RASAL2: variants seen among roughly 807,000 people sequenced by gnomAD.
The protein encoded by RASAL2 is RAS protein activator like 2.
Under a neutral mutation model 128.9 loss-of-function variants are expected in RASAL2, and 58 were observed. The ratio of observed to expected loss-of-function variants is 0.45; its 90% confidence interval spans 0.36 to 0.56. The LOEUF (loss-of-function observed/expected upper bound fraction) is 0.56, where lower values mean the gene tolerates loss of function less well. Ranked by LOEUF, RASAL2 falls within the 20% of genes least tolerant of loss-of-function variation. The probability of loss-of-function intolerance (pLI) is 0.00; values close to 1 mark genes in which losing one functional copy is unlikely to be tolerated. For synonymous variants in RASAL2, 561 were observed against 580.8 expected, an observed-to-expected ratio of 0.97 and a Z score of 0.49; for missense variants, 1,360 against 1,601.6, an observed-to-expected ratio of 0.85 and a Z score of 2.57.
chr1:178,346,068 C>T (rs1312114791), intron 3 of RASAL2, among the ~76,000 whole-genome samples: 1 of 152,154 alleles, frequency 6.6e-6, no homozygotes, highest in African/African-American at 2.4e-5. Flanking sequence ...CTCTATTGTA[C>T]AGCTGAAATT....
intron 4 of RASAL2, among the ~76,000 whole-genome samples, chr1:178,405,669 T>A (rs750586450): frequency 1.3e-5 from 2 of 152,252 alleles, no homozygotes; most frequent in Non-Finnish European, 2.9e-5. Flanking sequence ...GCAGACCTGC[T>A]GACACTTTGA....
At chr1:178,143,708 AGTGGGG>A (rs1267688658) in intron 1 of RASAL2, among the ~76,000 whole-genome samples, 1 of 151,754 alleles carries the variant, frequency 6.6e-6, no homozygotes, top group African/African-American at 2.4e-5. Context: ...GGGATTGGGA[AGTGGGG>A]GTGGTTAAAG....
chr1:178,154,927 G>T (rs180769335), intron 1 of RASAL2, among the ~76,000 whole-genome samples: 1 of 152,084 alleles, frequency 6.6e-6, no homozygotes, highest in Non-Finnish European at 1.5e-5. Context: ...GGGTTCAGGC[G>T]ATTCTCCTGC....
intron 9 of RASAL2, among the ~76,000 whole-genome samples, chr1:178,446,288 T>C (rs558061084): frequency 1.3e-5 from 2 of 152,284 alleles, no homozygotes; most frequent in African/African-American, 4.8e-5. Context: ...TTGAAGGAAA[T>C]AGCCCTTTGT....
intron 1 of RASAL2, among the ~76,000 whole-genome samples, chr1:178,103,052 C>A (rs189229489): frequency 6.6e-6 from 1 of 152,072 alleles, no homozygotes; most frequent in African/African-American, 2.4e-5. Context: ...GGTCTGGAGC[C>A]GGTAAATTGC....
chr1:178,249,249 T>G (rs1664930061), intron 1 of RASAL2, among the ~76,000 whole-genome samples: 1 of 152,046 alleles, frequency 6.6e-6, no homozygotes, highest in African/African-American at 2.4e-5. Context: ...TTTTCATTCT[T>G]TTTTCTCTAA....
At chr1:178,386,917 G>A (rs748979593) in intron 3 of RASAL2, among the ~76,000 whole-genome samples, 2 of 152,162 alleles carry the variant, frequency 1.3e-5, no homozygotes, top group African/African-American at 2.4e-5. Context: ...GAGCATAGTA[G>A]CAGCTTTCCT....
intron 1 of RASAL2, among the ~76,000 whole-genome samples, chr1:178,198,815 A>G (rs12730381): frequency 0.15 from 23,308 of 152,178 alleles, 1,922 homozygotes; most frequent in African/African-American, 0.22. Flanking sequence ...CCCAGAGCTC[A>G]AACACTGTGC....
intron 4 of RASAL2, 116 bp downstream of exon 4, chr1:178,390,322 A>AG: frequency 1.4e-6 from 1 of 702,326 alleles, no homozygotes; most frequent in Non-Finnish European, 2.3e-6. Flanking sequence ...ATTTCTTTAT[A>AG]ATTCTGTGAT....
intron 3 of RASAL2, among the ~76,000 whole-genome samples, chr1:178,371,355 T>C (rs60435811): frequency 0.12 from 15,394 of 126,886 alleles, 1,036 homozygotes; most frequent in African/African-American, 0.21. Flanking sequence ...CACACACAAA[T>C]ACACACACAC....
At chr1:178,160,963 C>A (rs766436125) in intron 1 of RASAL2, among the ~76,000 whole-genome samples, 1 of 152,202 alleles carries the variant, frequency 6.6e-6, no homozygotes, top group South Asian at 2.1e-4. Context: ...TTTACAAACT[C>A]CATTTTCCAT....
chr1:178,383,793 A>G (rs1672406498), intron 3 of RASAL2, among the ~76,000 whole-genome samples: 1 of 152,202 alleles, frequency 6.6e-6, no homozygotes, highest in African/African-American at 2.4e-5. Context: ...TGCTTATTTC[A>G]TTCATTAATA....
At chr1:178,158,560 A>G (rs948455864) in intron 1 of RASAL2, among the ~76,000 whole-genome samples, 2 of 152,188 alleles carry the variant, frequency 1.3e-5, no homozygotes, top group Non-Finnish European at 2.9e-5. Flanking sequence ...GGAAAATATT[A>G]TTTTTGAGGA....
intron 1 of RASAL2, among the ~76,000 whole-genome samples, chr1:178,132,859 C>T (rs1571521611): frequency 6.6e-6 from 1 of 150,812 alleles, no homozygotes; most frequent in South Asian, 2.1e-4. Context: ...ACCTCTGCCT[C>T]CCGGGTTCAA....
At chr1:178,453,338 A>C (rs141020829) in intron 11 of RASAL2, among the ~76,000 whole-genome samples, 32 of 152,148 alleles carry the variant, frequency 2.1e-4, no homozygotes, top group Admixed American at 5.9e-4. Context: ...ATTCTGAAGA[A>C]ATGGACGCTA....
At chr1:178,227,151 CT>C (rs1663821098) in intron 1 of RASAL2, among the ~76,000 whole-genome samples, 1 of 151,998 alleles carries the variant, frequency 6.6e-6, no homozygotes, top group South Asian at 2.1e-4. Flanking sequence ...AAATCAAAAG[CT>C]GCAACCATTC....
intron 3 of RASAL2, among the ~76,000 whole-genome samples, chr1:178,382,093 C>T (rs1342593290): frequency 1.3e-5 from 2 of 152,160 alleles, no homozygotes; most frequent in African/African-American, 4.8e-5. Context: ...TCTCATACAA[C>T]TTATCTAAGT....
intron 4 of RASAL2, among the ~76,000 whole-genome samples, chr1:178,394,752 T>C (rs958619253): frequency 6.6e-6 from 1 of 152,208 alleles, no homozygotes; most frequent in Non-Finnish European, 1.5e-5. Context: ...GAAAGCATAA[T>C]TGAACTAAGG....
intron 3 of RASAL2, chr1:178,341,607 A>T: frequency 6.2e-7 from 1 of 1,614,002 alleles, no homozygotes. Context: ...TGCAGACCCC[A>T]GGTAAGAGTT....
Sources: allele counts gnomAD v4.1 joint callset (sites outside exome capture counted in the v4.1 genomes callset), GRCh38; gene constraint gnomAD v4.1.1; transcripts MANE v1.5; gene names NCBI Gene and HGNC (gene_info 2026-07-23, HGNC 2026-07-21).